Variants in TMCC1 observed in about 807,000 individuals in gnomAD.
TMCC1 encodes transmembrane and coiled-coil domains protein 1.
TMCC1 carries 15 observed loss-of-function variants against 52.4 expected under a neutral mutation model. That is an observed-to-expected ratio of 0.29 (90% CI 0.19 to 0.44). TMCC1 has a LOEUF of 0.44. Ranked by LOEUF, TMCC1 falls within the 20% of genes least tolerant of loss-of-function variation. TMCC1 has a pLI of 1.00. For missense variants in TMCC1, 503 were observed against 806.0 expected, an observed-to-expected ratio of 0.62 and a Z score of 4.55; for synonymous variants, 279 against 301.9, an observed-to-expected ratio of 0.92 and a Z score of 0.79.
chr3:129,718,600 G>A (rs185745278), intron 4 of TMCC1, among the ~76,000 whole-genome samples: 151 of 152,298 alleles, frequency 9.9e-4, no homozygotes, highest in African/African-American at 3.4e-3. Context: ...AAAGTTGATT[G>A]CTTGATATGT....
At chr3:129,798,604 C>A (rs1453830890) in intron 4 of TMCC1, among the ~76,000 whole-genome samples, 1 of 144,100 alleles carries the variant, frequency 6.9e-6, no homozygotes, top group South Asian at 2.2e-4. Context: ...CCCTCACTAA[C>A]AAGGCAACCT....
chr3:129,875,324 C>T (rs1035972867), intron 2 of TMCC1, among the ~76,000 whole-genome samples: 9 of 151,154 alleles, frequency 6.0e-5, no homozygotes, highest in African/African-American at 9.8e-5. Flanking sequence ...CCTGTCTCTA[C>T]TAAAAATACG....
chr3:129,878,567 G>A (rs2061329055), intron 2 of TMCC1, among the ~76,000 whole-genome samples: 1 of 152,086 alleles, frequency 6.6e-6, no homozygotes, highest in African/African-American at 2.4e-5. Context: ...TACAGTAATA[G>A]GCTCCAAACT....
chr3:129,720,678 AAC>A (rs1048352717), intron 4 of TMCC1, among the ~76,000 whole-genome samples: 7 of 151,996 alleles, frequency 4.6e-5, no homozygotes, highest in African/African-American at 1.5e-4. Context: ...GAGCAAATAA[AAC>A]AGTTATATTA....
chr3:129,862,605 A>C (rs1200059317), intron 2 of TMCC1, among the ~76,000 whole-genome samples: 4 of 152,216 alleles, frequency 2.6e-5, no homozygotes, highest in Non-Finnish European at 4.4e-5. Context: ...TTTTAAAATA[A>C]GTGCTGAATA....
chr3:129,778,653 T>C (rs1025666767), intron 4 of TMCC1, among the ~76,000 whole-genome samples: 20 of 124,084 alleles, frequency 1.6e-4, no homozygotes, highest in African/African-American at 5.4e-4. Context: ...AGGGACCTCA[T>C]GGAAGGTGAT....
rs2086174785 is a variant in TMCC1, at chr3:129,648,973, T to C, written c.*2508A>G. Reference sequence around the variant, plus strand: ...TGCACCTGATCTGCACTGAAGGTCCTTCCTAAGACAGTTTGAGAAAGGAAG... The same window carrying C: ...TGCACCTGATCTGCACTGAAGGTCCCTCCTAAGACAGTTTGAGAAAGGAAG... On this transcript the variant is annotated 3_prime_UTR_variant, in exon 7 of 7. Transcript: ENST00000393238. 6.6e-6 allele frequency: 1 copy of C among 152,252 alleles called. No homozygotes were observed. Among genetic ancestry groups the C allele is most frequent in the Non-Finnish European group, 1.5e-5 (1 of 68,052 alleles). 9.4% of individuals were successfully genotyped at this position (152,252 alleles called of 1,614,324 possible).
In TMCC1 at chr3:129,751,859, C is replaced by T. The variant is rs374450896; in HGVS notation, c.576+75944G>A. Among the ~76,000 whole-genome samples, 7 of 152,190 alleles carry T rather than the reference C, an allele frequency of 4.6e-5. No individual in the cohort carries two copies. In the East Asian group the frequency reaches 1.4e-3, roughly 30 times the overall value. On this transcript the variant is annotated intron_variant, in intron 4 of 6. Transcript: ENST00000393238. Reference sequence around the variant, plus strand: ...TGGGTGTGAGCCACCATGCCCAGCACACTATAATATCTTTTCTATCTTCAA... The same window carrying T: ...TGGGTGTGAGCCACCATGCCCAGCATACTATAATATCTTTTCTATCTTCAA...
At chr3:129,875,865 G>A (rs1305237142) in intron 2 of TMCC1, among the ~76,000 whole-genome samples, 1 of 152,156 alleles carries the variant, frequency 6.6e-6, no homozygotes, top group Admixed American at 6.5e-5. Context: ...CCGGTGCCGT[G>A]GCTCACGCCC....
At chr3:129,705,381 C>T (rs1484836911) in intron 4 of TMCC1, among the ~76,000 whole-genome samples, 2 of 151,804 alleles carry the variant, frequency 1.3e-5, no homozygotes, top group African/African-American at 4.8e-5. Context: ...CAGTAGGGGT[C>T]TGGGGGTGAG....
At chr3:129,742,595 T>TA (rs1247610304) in intron 4 of TMCC1, among the ~76,000 whole-genome samples, 6 of 152,140 alleles carry the variant, frequency 3.9e-5, no homozygotes, top group Non-Finnish European at 8.8e-5. Context: ...GAAACCCTCA[T>TA]ATATTGCTAG....
At chr3:129,827,722 T>G (rs1418818241) in intron 4 of TMCC1, 81 bp downstream of exon 4, 10 of 1,491,098 alleles carry the variant, frequency 6.7e-6, no homozygotes, top group Middle Eastern at 1.8e-4. Context: ...AGATATCTTT[T>G]TAGTTACCAA....
At chr3:129,759,739 T>TTTTTTTTTG in intron 4 of TMCC1, among the ~76,000 whole-genome samples, 1 of 45,976 alleles carries the variant, frequency 2.2e-5, no homozygotes, top group African/African-American at 7.2e-5. Flanking sequence ...TTTTTTTTTT[T>TTTTTTTTTG]GAGACGGAGT....
intron 5 of TMCC1, among the ~76,000 whole-genome samples, chr3:129,657,284 A>G (rs561609172): frequency 3.9e-5 from 6 of 152,304 alleles, no homozygotes; most frequent in Admixed American, 2.6e-4. Flanking sequence ...ATCTTATTTG[A>G]TATTAAACAT....
intron 4 of TMCC1, among the ~76,000 whole-genome samples, chr3:129,763,230 AT>A (rs2053779275): frequency 6.9e-6 from 1 of 143,916 alleles, no homozygotes; most frequent in Non-Finnish European, 1.5e-5. Context: ...AAATAAATAA[AT>A]AAATAAATAA....
chr3:129,811,307 CA>C (rs1354900317), intron 4 of TMCC1, among the ~76,000 whole-genome samples: 3 of 152,024 alleles, frequency 2.0e-5, no homozygotes. Context: ...CTCTGTTGCC[CA>C]GACTGGACTG....
chr3:129,779,113 T>C lies in TMCC1; in HGVS notation c.576+48690A>G, dbSNP rs183385285. 9.1e-4 allele frequency among the ~76,000 whole-genome samples: 139 copies of C among 152,242 alleles called. 1 individual carries two copies. Among genetic ancestry groups the C allele is most frequent in the South Asian group, 7.5e-3 (36 of 4,816 alleles). On this transcript the variant is annotated intron_variant, in intron 4 of 6. Coordinates refer to ENST00000393238, the MANE Select transcript of TMCC1 (RefSeq NM_001017395.5). ...CACAACATTCTCTATCATAATACAG[T>C]ATACAGAGACTTCCTAGCAGCAGCA... is the stretch of plus-strand genomic sequence containing the variant.
chr3:129,718,379 T>C (rs2049273090), intron 4 of TMCC1, among the ~76,000 whole-genome samples: 1 of 152,218 alleles, frequency 6.6e-6, no homozygotes, highest in Non-Finnish European at 1.5e-5. Context: ...TTAAAGTGCA[T>C]GTGACACTAA....
intron 4 of TMCC1, among the ~76,000 whole-genome samples, chr3:129,800,212 GAAT>G (rs1191279908): frequency 6.6e-6 from 1 of 152,126 alleles, no homozygotes; most frequent in African/African-American, 2.4e-5. Context: ...GCCAGTGTAT[GAAT>G]AATGCCACAA....
Sources: allele counts gnomAD v4.1 joint callset (sites outside exome capture counted in the v4.1 genomes callset), GRCh38; gene constraint gnomAD v4.1.1; transcripts MANE v1.5; gene names NCBI Gene and HGNC (gene_info 2026-07-23, HGNC 2026-07-21).